Variants in KLHL1 observed in about 807,000 individuals in gnomAD.
KLHL1 encodes kelch-like protein 1.
KLHL1 carries 47 observed loss-of-function variants against 77.7 expected under a neutral mutation model. That is an observed-to-expected ratio of 0.60 (90% confidence interval 0.48 to 0.77). KLHL1 has a LOEUF of 0.77. Among genes scored for constraint, KLHL1 ranks in the 30% least tolerant of loss-of-function variants. The pLI is 0.00. For synonymous variants in KLHL1, 360 were observed against 325.2 expected (o/e 1.11, Z -1.15); for missense variants, 925 against 910.8 (o/e 1.02, Z -0.20).
intron 2 of KLHL1, among the ~76,000 whole-genome samples, chr13:69,962,477 C>T (rs1382473357): frequency 6.6e-6 from 1 of 152,022 alleles, no homozygotes; most frequent in Non-Finnish European, 1.5e-5. Context: ...CTGTGTTAAA[C>T]AGTTCCTCTG....
chr13:70,006,743 G>A, intron 1 of KLHL1, among the ~76,000 whole-genome samples: 1 of 151,702 alleles, frequency 6.6e-6, no homozygotes, highest in East Asian at 1.9e-4. Flanking sequence ...ACATGGCAAA[G>A]GTACATGCTG....
chr13:70,071,303 A>G (rs1384516138), intron 1 of KLHL1, among the ~76,000 whole-genome samples: 10 of 152,076 alleles, frequency 6.6e-5, no homozygotes, highest in Admixed American at 2.6e-4. Context: ...TGAAATTTCT[A>G]AGAAGACACA....
chr13:69,958,187 T>C (rs967565981), intron 3 of KLHL1, among the ~76,000 whole-genome samples: 1 of 151,688 alleles, frequency 6.6e-6, no homozygotes, highest in Non-Finnish European at 1.5e-5. Flanking sequence ...TGTGAACTGT[T>C]ATCACCATTG....
chr13:70,089,407 A>G (rs1410568709), intron 1 of KLHL1, among the ~76,000 whole-genome samples: 3 of 152,192 alleles, frequency 2.0e-5, no homozygotes, highest in African/African-American at 4.8e-5. Context: ...TGTTAATAGC[A>G]GGAATATAAT....
chr13:69,848,798 A>G (rs1266206924), intron 5 of KLHL1, among the ~76,000 whole-genome samples: 1 of 151,530 alleles, frequency 6.6e-6, no homozygotes, highest in Non-Finnish European at 1.5e-5. Context: ...TAACATGAAT[A>G]ATAATTGGCC....
rs879691386 is a variant in KLHL1 at position 69,933,483 on chromosome 13, G to A, written c.1014+6557C>T. ...TAGCTAGAAACCATGAAACATGTCG[G>A]GTATTTTAAAACCATGATCACAAAC... On this transcript the variant is annotated intron_variant, in intron 4 of 10. Transcript: ENST00000377844. 2.0e-4 allele frequency among the ~76,000 whole-genome samples: 31 copies of A among 152,092 alleles called. No individual in the cohort carries two copies. In the East Asian group the frequency reaches 2.7e-3, roughly 13 times the overall value.
chr13:70,036,945 A>G (rs929848769), intron 1 of KLHL1, among the ~76,000 whole-genome samples: 2 of 148,240 alleles, frequency 1.3e-5, no homozygotes, highest in African/African-American at 4.9e-5. Context: ...TTAACAAATT[A>G]TAAAGTTAAT....
chr13:70,051,509 G>A (rs1014956289), intron 1 of KLHL1, among the ~76,000 whole-genome samples: 2 of 152,120 alleles, frequency 1.3e-5, no homozygotes, highest in East Asian at 1.9e-4. Flanking sequence ...ATAAAGAAGT[G>A]CGTGGATATT....
At chr13:69,992,914 C>T (rs538505338) in intron 1 of KLHL1, among the ~76,000 whole-genome samples, 1 of 144,652 alleles carries the variant, frequency 6.9e-6, no homozygotes, top group South Asian at 2.1e-4. Flanking sequence ...TATAAATATG[C>T]TGCAGAGGGA....
At chr13:69,990,185 G>T (rs138180858) in intron 1 of KLHL1, among the ~76,000 whole-genome samples, 1,745 of 151,976 alleles carry the variant, frequency 0.011, 29 homozygotes, top group African/African-American at 0.04. Context: ...CAGCACTAAA[G>T]ATGGAAAGAC....
chr13:69,855,335 G>GATCT (rs1879853203), intron 5 of KLHL1, among the ~76,000 whole-genome samples: 3 of 90,006 alleles, frequency 3.3e-5, no homozygotes, highest in African/African-American at 6.2e-5. Flanking sequence ...TAGATAGATA[G>GATCT]ATAGATAGAT....
intron 1 of KLHL1, among the ~76,000 whole-genome samples, chr13:70,013,744 A>G (rs1044976635): frequency 2.0e-5 from 3 of 152,188 alleles, no homozygotes; most frequent in African/African-American, 7.2e-5. Context: ...TTTTAGCTCT[A>G]GTGGAGTAGA....
chr13:69,922,999 C>T (rs1037205718), intron 4 of KLHL1, among the ~76,000 whole-genome samples: 9 of 152,014 alleles, frequency 5.9e-5, no homozygotes, highest in African/African-American at 2.2e-4. Context: ...TTCAATATTA[C>T]ATAATGAATT....
At chr13:70,018,215 G>A (rs978255898) in intron 1 of KLHL1, among the ~76,000 whole-genome samples, 1 of 152,032 alleles carries the variant, frequency 6.6e-6, no homozygotes, top group African/African-American at 2.4e-5. Flanking sequence ...TAATACAATC[G>A]TTACTCACAA....
intron 9 of KLHL1, among the ~76,000 whole-genome samples, chr13:69,710,233 T>A (rs1875815072): frequency 6.6e-6 from 1 of 151,764 alleles, no homozygotes; most frequent in Non-Finnish European, 1.5e-5. Context: ...TCATTTGTCC[T>A]ACATTTTGAT....
At chr13:70,029,639 C>A (rs1886045172) in intron 1 of KLHL1, among the ~76,000 whole-genome samples, 1 of 152,176 alleles carries the variant, frequency 6.6e-6, no homozygotes, top group South Asian at 2.1e-4. Context: ...GTACCAGCCA[C>A]TGCAAAAACA....
intron 4 of KLHL1, among the ~76,000 whole-genome samples, chr13:69,935,600 G>C (rs1051253296): frequency 7.9e-5 from 12 of 152,118 alleles, no homozygotes; most frequent in African/African-American, 1.2e-4. Context: ...GAATGAGGTA[G>C]AGAAGAAACA....
intron 7 of KLHL1, among the ~76,000 whole-genome samples, chr13:69,742,102 TTTC>T (rs746101503): frequency 1.3e-5 from 2 of 152,138 alleles, no homozygotes; most frequent in Non-Finnish European, 2.9e-5. Context: ...CAATAAAGTA[TTTC>T]TTGCCTGTTT....
intron 1 of KLHL1, among the ~76,000 whole-genome samples, chr13:70,018,965 A>G (rs1358441531): frequency 6.6e-6 from 1 of 152,244 alleles, no homozygotes; most frequent in Non-Finnish European, 1.5e-5. Context: ...GATATCTGCT[A>G]ATCAAGTGCT....
Sources: allele counts gnomAD v4.1 joint callset (sites outside exome capture counted in the v4.1 genomes callset), GRCh38; gene constraint gnomAD v4.1.1; transcripts MANE v1.5; gene names NCBI Gene and HGNC (gene_info 2026-07-23, HGNC 2026-07-21).